The following ARHGAP8 variants were observed in gnomAD, a reference collection of about 807,000 sequenced individuals.
ARHGAP8 encodes Rho GTPase activating protein 8.
In ARHGAP8, 62 loss-of-function variants were observed where a neutral mutation model predicts 46.1. The observed-to-expected ratio is 1.34, with a 90% CI of 1.10 to 1.66. ARHGAP8 has a LOEUF of 1.66. Ranked by LOEUF, ARHGAP8 falls within the 40% of genes most tolerant of loss-of-function variation. The pLI is 0.00. For missense variants in ARHGAP8, 923 were observed against 568.4 expected (o/e 1.62, Z -6.34); for synonymous variants, 375 against 243.1 (o/e 1.54, Z -5.05).
At chr22:44,860,991 TA>T (rs2070453210) in intron 11 of ARHGAP8, among the ~76,000 whole-genome samples, 1 of 126,322 alleles carries the variant, frequency 7.9e-6, no homozygotes, top group African/African-American at 2.8e-5. Context: ...GGCCCAAAAC[TA>T]AACTCTCCTA....
chr22:44,767,428 A>G (rs1029395106), intron 1 of ARHGAP8, among the ~76,000 whole-genome samples: 2 of 152,144 alleles, frequency 1.3e-5, no homozygotes, highest in Admixed American at 6.6e-5. Flanking sequence ...CCTCCTGAAC[A>G]GAAAGATATT....
chr22:44,824,226 A>G (rs1299600674), intron 6 of ARHGAP8, among the ~76,000 whole-genome samples: 1 of 152,130 alleles, frequency 6.6e-6, no homozygotes, highest in African/African-American at 2.4e-5. Context: ...CAGTTTCCCA[A>G]TCTGTAAAGT....
At chr22:44,752,968 T>C (rs1183989686) in intron 1 of ARHGAP8, among the ~76,000 whole-genome samples, 1 of 151,928 alleles carries the variant, frequency 6.6e-6, no homozygotes, top group Non-Finnish European at 1.5e-5. Flanking sequence ...TGGTCTGGTC[T>C]GGCCGGACGG....
At chr22:44,764,373 A>G (rs1351650977) in intron 1 of ARHGAP8, among the ~76,000 whole-genome samples, 1 of 152,238 alleles carries the variant, frequency 6.6e-6, no homozygotes, top group Non-Finnish European at 1.5e-5. Flanking sequence ...TCCCATGGCA[A>G]AGACAGGCCT....
At chr22:44,846,479 C>T (rs2069959209) in intron 8 of ARHGAP8, among the ~76,000 whole-genome samples, 1 of 152,204 alleles carries the variant, frequency 6.6e-6, no homozygotes, top group East Asian at 1.9e-4. Context: ...GGGAGACCAT[C>T]TCCCTCAAAC....
At chr22:44,810,746 G>A (rs985178539) in intron 4 of ARHGAP8, among the ~76,000 whole-genome samples, 1 of 152,190 alleles carries the variant, frequency 6.6e-6, no homozygotes, top group African/African-American at 2.4e-5. Flanking sequence ...GCAAGAAAGA[G>A]CAGGGTGGAC....
chr22:44,829,240 G>A (rs1040804084), intron 7 of ARHGAP8, among the ~76,000 whole-genome samples: 15 of 149,862 alleles, frequency 1.0e-4, no homozygotes, highest in Admixed American at 6.0e-4. Flanking sequence ...TCAGTGAGCC[G>A]AGATTTTGCC....
intron 2 of ARHGAP8, among the ~76,000 whole-genome samples, chr22:44,800,245 A>C (rs1370705286): frequency 6.6e-6 from 1 of 151,598 alleles, no homozygotes; most frequent in African/African-American, 2.4e-5. Context: ...CTAGGACTGT[A>C]GACATGTGCC....
intron 10 of ARHGAP8, among the ~76,000 whole-genome samples, chr22:44,854,877 C>G (rs973488369): frequency 6.6e-6 from 1 of 152,184 alleles, no homozygotes; most frequent in Non-Finnish European, 1.5e-5. Context: ...AGCTCCTGAC[C>G]TCAGGTGATC....
chr22:44,806,856 C>G lies in ARHGAP8; in HGVS notation c.168-1451C>G, dbSNP rs187379087. On this transcript the variant is annotated intron_variant, in intron 3 of 11. Coordinates refer to ENST00000356099, the MANE Select transcript of ARHGAP8 (RefSeq NM_181335.3). Reference sequence around the variant, plus strand: ...GCAGGCGCCTGTAGTCCCAGCTACTCAGGAGGCTGAGGCACGAGAACGGCG... The same window carrying G: ...GCAGGCGCCTGTAGTCCCAGCTACTGAGGAGGCTGAGGCACGAGAACGGCG... 2.1e-4 allele frequency among the ~76,000 whole-genome samples: 32 copies of G among 151,472 alleles called. No individual in the cohort carries two copies. The East Asian group carries it at 2.1e-3, about 10-fold the overall frequency.
chr22:44,801,904 G>A lies in ARHGAP8; in HGVS notation c.80-173G>A, dbSNP rs1928581381. On this transcript the variant is annotated intron_variant, in intron 2 of 11. Coordinates refer to ENST00000356099, the MANE Select transcript of ARHGAP8 (RefSeq NM_181335.3). Reference sequence around the variant, plus strand: ...TCATGAAGATGAACTTGGACCACGTGCATAAAGCCACAGGTGATGGATGCT... The same window carrying A: ...TCATGAAGATGAACTTGGACCACGTACATAAAGCCACAGGTGATGGATGCT... The A allele has an allele frequency of 9.4e-6, 6 of 640,992 alleles. No individual in the cohort carries two copies. The East Asian group carries it at 1.4e-4, about 15-fold the overall frequency. The allele number at this position is 640,992 out of a possible 1,614,324, so 39.7% of individuals were successfully genotyped here. A position where few individuals can be genotyped will look rare whatever the true frequency, so the allele number is the denominator to read the frequency against.
intron 1 of ARHGAP8, among the ~76,000 whole-genome samples, chr22:44,782,142 C>G (rs138360627): frequency 0.01 from 1,524 of 151,764 alleles, 26 homozygotes; most frequent in African/African-American, 0.036. Context: ...TGAGACCAGC[C>G]TGGCCAATGT....
Position 44,781,412 on chromosome 22 carries a change from C to T in ARHGAP8, c.-71-5045C>T, listed in dbSNP as rs192915825. On this transcript the variant is annotated intron_variant, in intron 1 of 11. Coordinates refer to ENST00000356099, the MANE Select transcript of ARHGAP8 (RefSeq NM_181335.3). ...ATGAGGTTCAAGTGTGGGCTGCGTT[C>T]AGATGGGGTCCCTTGACCTGCCTCA... 5.5e-3 allele frequency among the ~76,000 whole-genome samples: 845 copies of T among 152,314 alleles called. 6 individuals carry two copies. Among genetic ancestry groups the T allele is most frequent in the Admixed American group, 8.8e-3 (135 of 15,296 alleles).
intron 7 of ARHGAP8, among the ~76,000 whole-genome samples, chr22:44,826,023 A>G (rs1312124252): frequency 2.6e-5 from 4 of 151,830 alleles, no homozygotes; most frequent in Admixed American, 6.6e-5. Context: ...CCCAGCTTCC[A>G]TCACTGCTGC....
At chr22:44,793,957 G>T (rs372120751) in intron 2 of ARHGAP8, among the ~76,000 whole-genome samples, 1 of 152,234 alleles carries the variant, frequency 6.6e-6, no homozygotes, top group East Asian at 1.9e-4. Flanking sequence ...AGGTTCCGGG[G>T]ATTCCTCTCA....
chr22:44,843,981 G>A (rs1299051671), intron 7 of ARHGAP8, among the ~76,000 whole-genome samples: 1 of 152,146 alleles, frequency 6.6e-6, no homozygotes, highest in East Asian at 1.9e-4. Context: ...ATAGAGAGAA[G>A]AGGGAGAGAG....
intron 2 of ARHGAP8, among the ~76,000 whole-genome samples, chr22:44,792,828 GGTTT>G (rs1569147860): frequency 6.8e-6 from 1 of 148,012 alleles, no homozygotes; most frequent in Admixed American, 6.7e-5. Flanking sequence ...TTGTTTTTTT[GGTTT>G]TTTTTTTTTG....
At chr22:44,855,018 A>ATTTC (rs2070187260) in intron 10 of ARHGAP8, among the ~76,000 whole-genome samples, 2 of 150,058 alleles carry the variant, frequency 1.3e-5, no homozygotes, top group African/African-American at 2.5e-5. Flanking sequence ...CAAGAACTTG[A>ATTTC]AAAGAATGTT....
chr22:44,860,985 C>G (rs903410081), intron 11 of ARHGAP8, among the ~76,000 whole-genome samples: 1 of 128,244 alleles, frequency 7.8e-6, no homozygotes, highest in East Asian at 2.8e-4. Context: ...CTCAGAGGCC[C>G]AAAACTAAAC....
Sources: gnomAD v4.1 joint callset for allele counts (sites outside exome capture counted in the v4.1 genomes callset) on GRCh38, gnomAD v4.1.1 for gene constraint, MANE v1.5 for transcripts, NCBI Gene and HGNC (gene_info 2026-07-23, HGNC 2026-07-21) for gene names.